MGAT4C: variants seen among roughly 807,000 people sequenced by gnomAD.
MGAT4C encodes MGAT4 family member C, also known as alpha-1,3-mannosyl-glycoprotein 4-beta-N-acetylglucosaminyltransferase C.
In MGAT4C, 19 loss-of-function variants were observed where a neutral mutation model predicts 40.1. The ratio of observed to expected loss-of-function variants is 0.47; its 90% CI spans 0.33 to 0.70. The LOEUF is 0.70. MGAT4C is among the 30% of genes least tolerant of loss of function. The pLI, the probability that MGAT4C is intolerant of heterozygous loss-of-function variation, is 0.02. For missense variants in MGAT4C, 491 were observed against 563.2 expected (o/e 0.87, Z 1.30); for synonymous variants, 181 against 187.1 (o/e 0.97, Z 0.27).
chr12:86,778,674 C>T (rs1403666374), intron 1 of MGAT4C, among the ~76,000 whole-genome samples: 4 of 152,122 alleles, frequency 2.6e-5, no homozygotes, highest in African/African-American at 4.8e-5. Context: ...ATCTCTAGGA[C>T]GTAGCTTTTC....
chr12:86,372,707 C>A (rs193218097), intron 3 of MGAT4C, among the ~76,000 whole-genome samples: 1 of 151,868 alleles, frequency 6.6e-6, no homozygotes, highest in African/African-American at 2.4e-5. Context: ...TGGTAAACTG[C>A]AACTTGCCAT....
At chr12:86,698,396 T>C (rs1950298516) in intron 2 of MGAT4C, among the ~76,000 whole-genome samples, 1 of 151,960 alleles carries the variant, frequency 6.6e-6, no homozygotes. Flanking sequence ...TGTGTATGCA[T>C]GTGTGTGAAC....
chr12:86,111,753 C>A (rs1478975321), intron 1 of MGAT4C, among the ~76,000 whole-genome samples: 1 of 151,774 alleles, frequency 6.6e-6, no homozygotes, highest in Non-Finnish European at 1.5e-5. Flanking sequence ...CAAACACTTT[C>A]AAGGGGACCG....
chr12:85,998,884 T>A (rs1372539507), intron 2 of MGAT4C, among the ~76,000 whole-genome samples: 6 of 152,198 alleles, frequency 3.9e-5, no homozygotes, highest in African/African-American at 1.4e-4. Context: ...TCCACATTTT[T>A]GGGTATCTTT....
At chr12:86,210,559 G>A (rs553185088) in intron 1 of MGAT4C, among the ~76,000 whole-genome samples, 1 of 152,122 alleles carries the variant, frequency 6.6e-6, no homozygotes, top group Non-Finnish European at 1.5e-5. Context: ...TAGGTCAATG[G>A]CTTCCAATTA....
rs1555210020 is a variant in MGAT4C, at chr12:86,603,523, G to GACTATATAATATAT, written c.-229+123685_-229+123686insATATATTATATAGT. On this transcript the variant is annotated intron_variant, in intron 2 of 7. Transcript: ENST00000548651. The stretch of plus-strand genomic sequence containing the variant: ...TACTATATATAGTCTATAGTCTATA[G>GACTATATAATATAT]ACTATATATAGTCTATAGACTATAG... Among the ~76,000 whole-genome samples the GACTATATAATATAT allele has an allele frequency of 6.0e-3, 135 of 22,640 alleles. 16 individuals are homozygous for GACTATATAATATAT. Among genetic ancestry groups the GACTATATAATATAT allele is most frequent in the East Asian group, 0.051 (17 of 336 alleles). 14.9% of individuals were successfully genotyped at this position (22,640 alleles called of 152,430 possible).
intron 2 of MGAT4C, among the ~76,000 whole-genome samples, chr12:86,588,507 T>C (rs1304301328): frequency 6.6e-6 from 1 of 151,870 alleles, no homozygotes; most frequent in African/African-American, 2.4e-5. Flanking sequence ...GACAGAAAGT[T>C]AACAAGGACA....
At chr12:86,029,786 T>C (rs1409561458) in intron 2 of MGAT4C, among the ~76,000 whole-genome samples, 1 of 151,884 alleles carries the variant, frequency 6.6e-6, no homozygotes, top group Non-Finnish European at 1.5e-5. Flanking sequence ...CAGAGTTTTC[T>C]CTTTATTCGT....
At chr12:86,612,765 G>GATGTTAC (rs1420024644) in intron 2 of MGAT4C, among the ~76,000 whole-genome samples, 2 of 146,034 alleles carry the variant, frequency 1.4e-5, no homozygotes, top group Non-Finnish European at 3.0e-5. Context: ...AAAAAAAGTA[G>GATGTTAC]ATGTTACATA....
rs116140135 is a variant in MGAT4C, at chr12:86,806,093, A to C, written c.-262+32573T>G. Among the ~76,000 whole-genome samples the C allele has an allele frequency of 2.8e-3, 422 of 151,790 alleles. 1 individual carries two copies. Among genetic ancestry groups the C allele is most frequent in the African/African-American group, 1.0e-2 (413 of 41,456 alleles). ...TTTCTACCTCTTTAGTTGTCCTTAA[A>C]ATTATTTTTGTAAAAAAAAACCTTT... On this transcript the variant is annotated intron_variant, in intron 1 of 7. Transcript: ENST00000548651.
At chr12:86,362,630 T>C (rs1014519974) in intron 3 of MGAT4C, among the ~76,000 whole-genome samples, 1 of 151,696 alleles carries the variant, frequency 6.6e-6, no homozygotes, top group Admixed American at 6.6e-5. Flanking sequence ...TAACAGCAAT[T>C]AAAAGAATGT....
At chr12:86,688,122 G>A (rs900886149) in intron 2 of MGAT4C, among the ~76,000 whole-genome samples, 1 of 138,198 alleles carries the variant, frequency 7.2e-6, no homozygotes, top group East Asian at 2.2e-4. Flanking sequence ...TTGGTTGAAA[G>A]TCCATTTTAT....
chr12:86,011,474 T>G (rs989355893), intron 2 of MGAT4C, among the ~76,000 whole-genome samples: 4 of 152,158 alleles, frequency 2.6e-5, no homozygotes, highest in Admixed American at 2.6e-4. Context: ...AGGTAGAGAT[T>G]AAGAAAGAAT....
chr12:86,553,314 A>G (rs1385792765), intron 2 of MGAT4C, among the ~76,000 whole-genome samples: 1 of 152,104 alleles, frequency 6.6e-6, no homozygotes, highest in Non-Finnish European at 1.5e-5. Context: ...TGGTCATGTC[A>G]CTAGTAAAGG....
intron 1 of MGAT4C, among the ~76,000 whole-genome samples, chr12:86,117,297 GA>G (rs142053011): frequency 0.018 from 2,767 of 152,254 alleles, 85 homozygotes; most frequent in African/African-American, 0.063. Context: ...AGTGAACTAG[GA>G]AAATATATGT....
intron 3 of MGAT4C, among the ~76,000 whole-genome samples, chr12:86,339,086 AC>A (rs1954851795): frequency 6.6e-6 from 1 of 151,976 alleles, no homozygotes; most frequent in East Asian, 1.9e-4. Flanking sequence ...GCCGAAAACA[AC>A]CCTATGAAGT....
At chr12:86,172,987 A>G (rs1279929209) in intron 1 of MGAT4C, among the ~76,000 whole-genome samples, 1 of 152,140 alleles carries the variant, frequency 6.6e-6, no homozygotes, top group African/African-American at 2.4e-5. Context: ...ATATGCATAG[A>G]GGGCCATGCA....
chr12:86,754,017 T>C (rs1951263110), intron 1 of MGAT4C, among the ~76,000 whole-genome samples: 1 of 152,162 alleles, frequency 6.6e-6, no homozygotes, highest in South Asian at 2.1e-4. Flanking sequence ...GAAAGCATAT[T>C]TATATAGAGA....
chr12:86,551,794 C>T (rs1959376397), intron 2 of MGAT4C, among the ~76,000 whole-genome samples: 1 of 152,170 alleles, frequency 6.6e-6, no homozygotes, highest in South Asian at 2.1e-4. Flanking sequence ...ATTCTCTCAA[C>T]TTAGGCCACT....
Sources: gnomAD v4.1 joint callset for allele counts (sites outside exome capture counted in the v4.1 genomes callset) on GRCh38, gnomAD v4.1.1 for gene constraint, MANE v1.5 for transcripts, NCBI Gene and HGNC (gene_info 2026-07-23, HGNC 2026-07-21) for gene names.